The following WNT7B variants were observed in gnomAD, a reference collection of about 807,000 sequenced individuals.
WNT7B encodes protein Wnt-7b.
WNT7B carries 19 observed loss-of-function variants against 38.2 expected under a neutral mutation model. That is an observed-to-expected ratio of 0.50 (90% CI 0.35 to 0.73). WNT7B has a LOEUF of 0.73. Among genes scored for constraint, WNT7B ranks in the 30% least tolerant of loss-of-function variants. The pLI is 0.01. For synonymous variants in WNT7B, 243 were observed against 209.3 expected (o/e 1.16, Z -1.39); for missense variants, 423 against 507.9 (o/e 0.83, Z 1.61).
At chr22:45,972,251 G>C in intron 1 of WNT7B, 1 of 634,250 alleles carries the variant, frequency 1.6e-6, no homozygotes, top group Non-Finnish European at 2.9e-6. Context: ...GGGCCGGCGT[G>C]CCTGGCGGGG....
chr22:45,933,850 G>C (rs536307328), intron 2 of WNT7B, among the ~76,000 whole-genome samples: 2 of 152,346 alleles, frequency 1.3e-5, no homozygotes. Context: ...GTGAGGTCAA[G>C]AGTGGCCACA....
At chr22:45,972,116 G>GGGGGCCCCCC in intron 1 of WNT7B, 8 of 530,716 alleles carry the variant, frequency 1.5e-5, no homozygotes, top group African/African-American at 2.1e-5. Context: ...CCCGGGGGGA[G>GGGGGCCCCCC]CCCACCCGCC....
At chr22:45,958,018 G>A (rs998122895) in intron 1 of WNT7B, among the ~76,000 whole-genome samples, 4 of 152,248 alleles carry the variant, frequency 2.6e-5, no homozygotes, top group African/African-American at 9.6e-5. Context: ...TTAAGTGCAG[G>A]AGACCTCAGG....
chr22:45,948,790 C>T (rs1415977536), intron 2 of WNT7B, among the ~76,000 whole-genome samples: 2 of 147,362 alleles, frequency 1.4e-5, no homozygotes, highest in South Asian at 4.4e-4. Context: ...CAAGGTCACA[C>T]AGCTGGATTC....
chr22:45,929,875 A>C (rs111500330), intron 3 of WNT7B, among the ~76,000 whole-genome samples: 3 of 96,470 alleles, frequency 3.1e-5, no homozygotes, highest in East Asian at 3.7e-4. Context: ...CATCCATCCA[A>C]CCATCTACCC....
chr22:45,931,061 C>T, intron 3 of WNT7B, 37 bp downstream of exon 3: 1 of 1,529,688 alleles, frequency 6.5e-7, no homozygotes. Context: ...TACAGCGGTC[C>T]CAGCTACGGC....
chr22:45,966,080 C>T lies in WNT7B; in HGVS notation c.71+10604G>A, dbSNP rs569863468. On this transcript the variant is annotated intron_variant, in intron 1 of 3. Transcript: ENST00000339464. This position sits in a 1 kb window ranked among gnomAD's most constrained non-coding sequence, Gnocchi z 4.2. Reference sequence around the variant, plus strand: ...GGCAGACGGGCCTCTCCTAGCTCCCCTTCTCTGGCAGCCCGAGGGGGACAC... The same window carrying T: ...GGCAGACGGGCCTCTCCTAGCTCCCTTTCTCTGGCAGCCCGAGGGGGACAC... Among the ~76,000 whole-genome samples the T allele has an allele frequency of 3.9e-5, 6 of 152,310 alleles. No homozygotes were observed. In the East Asian group the frequency reaches 7.7e-4, roughly 20 times the overall value.
At chr22:45,945,485 T>C (rs946345836) in intron 2 of WNT7B, among the ~76,000 whole-genome samples, 3 of 152,258 alleles carry the variant, frequency 2.0e-5, no homozygotes, top group African/African-American at 7.2e-5. Context: ...CTGTATTTGC[T>C]TTGGGGATTT....
chr22:45,970,777 C>T (rs576852424), intron 1 of WNT7B, among the ~76,000 whole-genome samples: 1 of 152,296 alleles, frequency 6.6e-6, no homozygotes, highest in African/African-American at 2.4e-5. Context: ...GATCCAGTTC[C>T]TGGAAAGGAC....
At chr22:45,936,232 T>C (rs926588726) in intron 2 of WNT7B, 1 of 946,648 alleles carries the variant, frequency 1.1e-6, no homozygotes, top group African/African-American at 1.8e-5. Flanking sequence ...TCCCATTTGA[T>C]ACATGGAACT....
Position 45,922,719 on chromosome 22 carries a change from C to T in WNT7B, c.*137G>A, listed in dbSNP as rs1930962542. The stretch of plus-strand genomic sequence containing the variant: ...AGAGGGCGTGGGCCCCGGCCGGTGC[C>T]CTCCTGCACCTGGAGCTCCCCGCTT... On this transcript the variant is annotated 3_prime_UTR_variant, in exon 4 of 4. Coordinates refer to ENST00000339464, the MANE Select transcript of WNT7B (RefSeq NM_058238.3). 1 of 1,390,170 alleles carries T rather than the reference C, an allele frequency of 7.2e-7. No individual in the cohort carries two copies. Among genetic ancestry groups the T allele is most frequent in the Non-Finnish European group, 9.6e-7 (1 of 1,046,486 alleles). The allele number at this position is 1,390,170 out of a possible 1,614,324, so 86.1% of individuals were successfully genotyped here.
chr22:45,924,805 C>G (rs1221237300), intron 3 of WNT7B, among the ~76,000 whole-genome samples: 1 of 132,834 alleles, frequency 7.5e-6, no homozygotes, highest in Non-Finnish European at 1.6e-5. Flanking sequence ...CAGGCAGGTG[C>G]TGGGGGGCCC....
intron 3 of WNT7B, chr22:45,925,749 C>G (rs972811960): frequency 2.0e-6 from 2 of 985,330 alleles, no homozygotes; most frequent in East Asian, 2.3e-4. Context: ...ACCCCAGGAG[C>G]TGCCCTGATG....
In WNT7B at chr22:45,931,305, AGCGGTGACGGCGTGCGCCACGCCAGCC is replaced by A. The variant is rs767473468; in HGVS notation, c.336_362del (p.Gly114_Ala122del). 2 of 1,597,712 alleles carry A rather than the reference AGCGGTGACGGCGTGCGCCACGCCAGCC, an allele frequency of 1.3e-6. No individual in the cohort carries two copies. Among genetic ancestry groups the A allele is most frequent in the Admixed American group, 1.7e-5 (1 of 59,966 alleles). ...TGCTCAGGTTCCCTTGGCTGCAGGC[AGCGGTGACGGCGTGCGCCACGCCAGCC>A]GCGGTGATGGCGTACGTGAAGGCAG... On this transcript the variant is annotated inframe_deletion, in exon 3 of 4. Coordinates refer to ENST00000339464, the MANE Select transcript of WNT7B (RefSeq NM_058238.3).
chr22:45,964,815 C>T (rs1392910335), intron 1 of WNT7B, among the ~76,000 whole-genome samples: 1 of 152,174 alleles, frequency 6.6e-6, no homozygotes, highest in East Asian at 1.9e-4. Flanking sequence ...AGGAGGCAGG[C>T]AACCCTGCAA....
At chr22:45,960,554 T>C (rs9330804) in intron 1 of WNT7B, among the ~76,000 whole-genome samples, 134,123 of 152,286 alleles carry the variant, frequency 0.88, 59,273 homozygotes, top group African/African-American at 0.95. Flanking sequence ...GGCCTGATCT[T>C]CAGCCTCCCT....
chr22:45,935,925 C>T, intron 2 of WNT7B: 2 of 985,272 alleles, frequency 2.0e-6, no homozygotes, highest in Non-Finnish European at 2.4e-6. Flanking sequence ...CGGCAGCTGT[C>T]CTGCTGGTAC....
In WNT7B at chr22:45,970,058, C is replaced by T. The variant is rs570644253; in HGVS notation, c.71+6626G>A. Among the ~76,000 whole-genome samples, 44 of 152,352 alleles carry T rather than the reference C, an allele frequency of 2.9e-4. No homozygotes were observed. In the South Asian group the frequency reaches 6.0e-3, roughly 21 times the overall value. On this transcript the variant is annotated intron_variant, in intron 1 of 3. Transcript: ENST00000339464. ...TTCAAACCGAATCGCGCAGGCCCTA[C>T]TCCCATCTATGGTCAGCCTTGCGCC...
chr22:45,963,294 A>G (rs1932237100), intron 1 of WNT7B, among the ~76,000 whole-genome samples: 1 of 152,024 alleles, frequency 6.6e-6, no homozygotes, highest in African/African-American at 2.4e-5. Context: ...CTTTTCTGGA[A>G]TGCTCCCTCC....
Sources: gnomAD v4.1 joint callset for allele counts (sites outside exome capture counted in the v4.1 genomes callset) on GRCh38, gnomAD v4.1.1 for gene constraint, Gnocchi (gnomAD v3.1) non-coding constraint, MANE v1.5 for transcripts, NCBI Gene and HGNC (gene_info 2026-07-23, HGNC 2026-07-21) for gene names.